The following DAPK1 variants were observed in gnomAD, a reference collection of about 807,000 sequenced individuals.
DAPK1 encodes death-associated protein kinase 1.
DAPK1 carries 56 observed loss-of-function variants against 144.9 expected under a neutral mutation model. That is an observed-to-expected ratio of 0.39 (90% CI 0.31 to 0.48). The LOEUF (loss-of-function observed/expected upper bound fraction) is 0.48. Among genes scored for constraint, DAPK1 ranks in the 20% least tolerant of loss-of-function variants. DAPK1 has a pLI of 0.95. For synonymous variants in DAPK1, 690 were observed against 749.0 expected (o/e 0.92, Z 1.29); for missense variants, 1,454 against 1,875.4 (o/e 0.78, Z 4.15).
rs759658717 is a variant in DAPK1 at position 87,650,093 on chromosome 9, G to A, written c.1601G>A (p.Gly534Glu). 1.1e-5 allele frequency: 17 copies of A among 1,614,112 alleles called. No individual in the cohort carries two copies. The South Asian group carries it at 1.8e-4, about 17-fold the overall frequency. The part of the protein sequence containing the change: ...HDIVECLAEH[G>E]ADLNACDKDG... ...ATCGTGGAGTGTCTGGCCGAACATG[G>A]AGCCGACCTTAATGCTTGCGACAAG... Residue 534 changes from glycine (G) to glutamate (E), a missense_variant, in exon 16 of 26, where the codon GGA becomes GAA. By Grantham distance (98) the Gly-to-Glu change is moderately conservative. Around this residue, in one of 2 missense-constraint regions of DAPK1, gnomAD observed 1,025 missense variants for 1,237.9 expected, o/e 0.83. Coordinates refer to ENST00000408954, the MANE Select transcript of DAPK1 (RefSeq NM_004938.4).
intron 18 of DAPK1, among the ~76,000 whole-genome samples, chr9:87,659,670 C>A (rs1362520640): frequency 6.6e-6 from 1 of 152,232 alleles, no homozygotes; most frequent in East Asian, 1.9e-4. Flanking sequence ...CCTGGCTCCT[C>A]CTCAGGTCCC....
chr9:87,520,258 T>C (rs966195523), intron 2 of DAPK1, among the ~76,000 whole-genome samples: 3 of 152,034 alleles, frequency 2.0e-5, no homozygotes, highest in African/African-American at 7.2e-5. Flanking sequence ...GATGGAAAAA[T>C]AGGCTTCTGG....
At chr9:87,659,527 G>A (rs1018824471) in intron 18 of DAPK1, among the ~76,000 whole-genome samples, 1 of 152,224 alleles carries the variant, frequency 6.6e-6, no homozygotes, top group Admixed American at 6.5e-5. Flanking sequence ...TATTGAAGAT[G>A]CCAGCAGCTG....
intron 20 of DAPK1, among the ~76,000 whole-genome samples, chr9:87,682,289 G>A (rs570153325): frequency 1.9e-4 from 29 of 152,306 alleles, no homozygotes; most frequent in Admixed American, 6.5e-4. Context: ...GGGCTGTCAC[G>A]AAACACCTGG....
intron 21 of DAPK1, among the ~76,000 whole-genome samples, chr9:87,687,734 A>G (rs186349400): frequency 1.3e-5 from 2 of 152,234 alleles, no homozygotes; most frequent in Non-Finnish European, 2.9e-5. Flanking sequence ...TTCCATAATA[A>G]CTGTACTAAT....
intron 2 of DAPK1, among the ~76,000 whole-genome samples, chr9:87,588,185 G>A (rs1828001846): frequency 6.6e-6 from 1 of 152,220 alleles, no homozygotes; most frequent in Non-Finnish European, 1.5e-5. Context: ...AATTTTGTGT[G>A]TCTGGATATT....
rs1217468169 is a variant in DAPK1, at chr9:87,536,638, C to T, written c.62+37499C>T. The stretch of plus-strand genomic sequence containing the variant: ...TTTGTTATTGCATAAATAAATAAAT[C>T]AGGGAGCTGATTTACCCCACCACCC... On this transcript the variant is annotated intron_variant, in intron 2 of 25. Transcript: ENST00000408954. Among the ~76,000 whole-genome samples, 4 of 152,064 alleles carry T rather than the reference C, an allele frequency of 2.6e-5. 1 individual carries two copies. The highest frequency in any genetic ancestry group is 4.4e-5 in the Non-Finnish European group (3 of 68,006).
Position 87,697,115 on chromosome 9 carries a change from G to A in DAPK1, c.2522G>A (p.Ser841Asn), listed in dbSNP as rs754017268. The A allele has an allele frequency of 6.4e-6, 10 of 1,557,806 alleles. No individual in the cohort carries two copies. Among genetic ancestry groups the A allele is most frequent in the Non-Finnish European group, 8.0e-6 (9 of 1,128,572 alleles). Residue 841 changes from serine (S) to asparagine (N), a missense_variant, in exon 22 of 26, where the codon AGT becomes AAT. Ser to Asn is a conservative substitution (Grantham distance 46). Coordinates refer to ENST00000408954, the MANE Select transcript of DAPK1 (RefSeq NM_004938.4). Reference protein sequence around the residue: ...DPTSIHVVVFSLEEPYEIQLN... With the variant: ...DPTSIHVVVFNLEEPYEIQLN... ...ACGTCAATCCATGTTGTTGTCTTTA[G>A]TCTAGAAGAGCCCTATGAGATCCAG... is the stretch of plus-strand genomic sequence containing the variant.
At chr9:87,637,858 A>G in intron 3 of DAPK1, 85 bp from the exon 4 acceptor site, 1 of 1,435,730 alleles carries the variant, frequency 7.0e-7, no homozygotes, top group Non-Finnish European at 9.5e-7. Context: ...TCTTGTCTGA[A>G]GTTTGAGCGC....
intron 3 of DAPK1, among the ~76,000 whole-genome samples, chr9:87,623,612 G>A (rs940434434): frequency 6.6e-5 from 10 of 152,166 alleles, no homozygotes; most frequent in East Asian, 1.9e-4. Flanking sequence ...ATTGGGGACC[G>A]GGTGCAGTGG....
At chr9:87,700,619 C>T (rs1396022461) in intron 24 of DAPK1, among the ~76,000 whole-genome samples, 1 of 152,132 alleles carries the variant, frequency 6.6e-6, no homozygotes, top group African/African-American at 2.4e-5. Context: ...CCATCTCAGC[C>T]TCCCAAGTAG....
rs1825466381 is a variant in DAPK1 at position 87,525,403 on chromosome 9, A to G, written c.62+26264A>G. On this transcript the variant is annotated intron_variant, in intron 2 of 25. Coordinates refer to ENST00000408954, the MANE Select transcript of DAPK1 (RefSeq NM_004938.4). ...ACAACCGGCACGGTCTGATCCGGAA[A>G]TATGGCCTCAATATGTGCCGCCAGT... 1.9e-6 allele frequency: 3 copies of G among 1,611,554 alleles called. No homozygotes were observed. The East Asian group carries it at 6.7e-5, about 36-fold the overall frequency.
rs112680871 is a variant in DAPK1 at position 87,499,323 on chromosome 9, G to A, written c.62+184G>A. 565 of 600,390 alleles carry A rather than the reference G, an allele frequency of 9.4e-4. 2 individuals are homozygous for A. The highest frequency in any genetic ancestry group is 6.0e-3 in the African/African-American group (327 of 54,196). The allele number at this position is 600,390 out of a possible 1,614,324, so 37.2% of individuals were successfully genotyped here. A position where few individuals can be genotyped will look rare whatever the true frequency, so the allele number is the denominator to read the frequency against. ...CCGCCTGATCCAAGGGCCTGGGGGT[G>A]GAGGAGAGGCAGCAGTTCAGGGCTA... On this transcript the variant is annotated intron_variant, in intron 2 of 25. Transcript: ENST00000408954.
At chr9:87,670,389 G>C (rs1310068651) in intron 19 of DAPK1, among the ~76,000 whole-genome samples, 3 of 152,146 alleles carry the variant, frequency 2.0e-5, no homozygotes, top group Non-Finnish European at 4.4e-5. Context: ...GAGAAGTCTG[G>C]TTTTTGCACA....
intron 18 of DAPK1, among the ~76,000 whole-genome samples, chr9:87,664,056 C>T (rs1830963897): frequency 6.6e-6 from 1 of 152,064 alleles, no homozygotes; most frequent in African/African-American, 2.4e-5. Context: ...ACTGTAGCCT[C>T]CTGCCCCTTG....
rs556462447 is a variant in DAPK1 at position 87,652,923 on chromosome 9, T to C, written c.1824+1199T>C. ...GATCCCGGGTCCTGATTCTGTGTTC[T>C]CTCACCTGAACCCGGGTCCTGATTC... On this transcript the variant is annotated intron_variant, in intron 17 of 25. Transcript: ENST00000408954. 5.5e-5 allele frequency among the ~76,000 whole-genome samples: 7 copies of C among 126,518 alleles called. No individual in the cohort carries two copies. In the South Asian group the frequency reaches 2.0e-3, roughly 35 times the overall value. 83.0% of individuals were successfully genotyped at this position (126,518 alleles called of 152,430 possible).
rs36229907 is a variant in DAPK1 at position 87,521,094 on chromosome 9, G to A, written c.62+21955G>A. Reference sequence around the variant, plus strand: ...CTATTTCTCACCTTGTACAAATTATGTTCCTTAAGCTGAGCTTCATTTTGG... The same window carrying A: ...CTATTTCTCACCTTGTACAAATTATATTCCTTAAGCTGAGCTTCATTTTGG... On this transcript the variant is annotated intron_variant, in intron 2 of 25. Transcript: ENST00000408954. 9.9e-3 allele frequency among the ~76,000 whole-genome samples: 1,506 copies of A among 152,278 alleles called. 29 individuals are homozygous for A. The highest frequency in any genetic ancestry group is 0.034 in the African/African-American group (1,432 of 41,538).
intron 3 of DAPK1, among the ~76,000 whole-genome samples, chr9:87,636,073 C>T (rs895726098): frequency 1.3e-5 from 2 of 152,112 alleles, no homozygotes; most frequent in African/African-American, 2.4e-5. Context: ...TGCCTTGTTC[C>T]GTGGGCAGAC....
In DAPK1 at chr9:87,651,652, A is replaced by G. The variant is rs774202280; in HGVS notation, c.1752A>G (p.Ala584=). The change falls in exon 17 of 26, where the codon GCA becomes GCG. Residue 584 remains alanine (A), a synonymous_variant. Transcript: ENST00000408954. ...ACGGCAATACTCCCCTCCATGTGGC[A>G]TGTAAAGATGGCAACATGCCTATCG... ...DRHGNTPLHV[A]CKDGNMPIVV... 2.5e-6 allele frequency: 4 copies of G among 1,614,204 alleles called. No individual in the cohort carries two copies. The South Asian group carries it at 3.3e-5, about 13-fold the overall frequency.
Sources: gnomAD v4.1 joint callset for allele counts (sites outside exome capture counted in the v4.1 genomes callset) on GRCh38, gnomAD v4.1.1 for gene constraint, gnomAD v4.1.1 regional missense constraint, MANE v1.5 for transcripts, NCBI Gene and HGNC (gene_info 2026-07-23, HGNC 2026-07-21) for gene names.